TRPV5: variants seen among roughly 807,000 people sequenced by gnomAD.
The protein encoded by TRPV5 is transient receptor potential cation channel subfamily V member 5, also known as calcium transport protein 2.
Under a neutral mutation model 74.1 loss-of-function variants are expected in TRPV5, and 66 were observed. That is an observed-to-expected ratio of 0.89 (90% CI 0.73 to 1.09). The LOEUF (loss-of-function observed/expected upper bound fraction) is 1.09, where lower values mean the gene tolerates loss of function less well. Among genes scored for constraint, TRPV5 ranks in the 50% least tolerant of loss-of-function variants. The pLI is 0.00. For missense variants in TRPV5, 936 were observed against 930.4 expected, an observed-to-expected ratio of 1.01 and a Z score of -0.08; for synonymous variants, 399 against 360.7, an observed-to-expected ratio of 1.11 and a Z score of -1.20.
rs868717390 is a variant in TRPV5 at position 142,924,270 on chromosome 7, A to G, written c.1122+1259T>C. On this transcript the variant is annotated intron_variant, in intron 8 of 14. Coordinates refer to ENST00000265310, the MANE Select transcript of TRPV5 (RefSeq NM_019841.7). ...CATATACATGTATATATATACATATATATATATATACATATACATGTATAT... is the reference window on the plus strand; with the variant it reads ...CATATACATGTATATATATACATATGTATATATATACATATACATGTATAT... Among the ~76,000 whole-genome samples the G allele has an allele frequency of 1.3e-4, 14 of 107,832 alleles. 1 individual carries two copies. Among genetic ancestry groups the G allele is most frequent in the East Asian group, 2.3e-4 (1 of 4,386 alleles). The allele number at this position is 107,832 out of a possible 152,430, so 70.7% of individuals were successfully genotyped here.
intron 9 of TRPV5, 33 bp downstream of exon 9, chr7:142,915,449 A>G (rs1795779453): frequency 1.9e-6 from 3 of 1,611,978 alleles, no homozygotes; most frequent in Non-Finnish European, 2.5e-6. Flanking sequence ...CTTAGATGGG[A>G]TGGGATTAGC....
Position 142,924,304 on chromosome 7 carries a change from ATATATATACACACATATACATG to A in TRPV5, c.1122+1203_1122+1224del, listed in dbSNP as rs1795939172. Among the ~76,000 whole-genome samples, 17 of 32,722 alleles carry A rather than the reference ATATATATACACACATATACATG, an allele frequency of 5.2e-4. 2 individuals are homozygous for A. Among genetic ancestry groups the A allele is most frequent in the African/African-American group, 1.2e-3 (17 of 13,946 alleles). 21.5% of individuals were successfully genotyped at this position (32,722 alleles called of 152,430 possible). On this transcript the variant is annotated intron_variant, in intron 8 of 14. Coordinates refer to ENST00000265310, the MANE Select transcript of TRPV5 (RefSeq NM_019841.7). Reference sequence around the variant, plus strand: ...TACATATACATGTATATATATACATATATATATACACACATATACATGTATATATATACATATATATATATAT... The same window carrying A: ...TACATATACATGTATATATATACATATATATATATACATATATATATATAT...
intron 11 of TRPV5, 38 bp from the exon 12 acceptor site, chr7:142,914,744 C>T (rs768816637): frequency 6.2e-7 from 1 of 1,611,458 alleles, no homozygotes. Context: ...GGGATGATTC[C>T]TTTTCCACTG....
At chr7:142,917,058 TTG>T (rs1563371862) in intron 8 of TRPV5, among the ~76,000 whole-genome samples, 1 of 152,014 alleles carries the variant, frequency 6.6e-6, no homozygotes, top group Non-Finnish European at 1.5e-5. Context: ...TTCTATTTTT[TTG>T]TGTGTCTGGT....
chr7:142,920,066 T>C (rs770073209), intron 8 of TRPV5, among the ~76,000 whole-genome samples: 1 of 152,298 alleles, frequency 6.6e-6, no homozygotes, highest in African/African-American at 2.4e-5. Context: ...ACAACACACA[T>C]GTCCAGGCCA....
In TRPV5 at chr7:142,933,641, T is replaced by A; in HGVS notation, c.-182A>T. 1 of 758,722 alleles carries A rather than the reference T, an allele frequency of 1.3e-6. No individual in the cohort carries two copies. 47.0% of individuals were successfully genotyped at this position (758,722 alleles called of 1,614,324 possible). On this transcript the variant is annotated 5_prime_UTR_variant, in exon 1 of 15. Coordinates refer to ENST00000265310, the MANE Select transcript of TRPV5 (RefSeq NM_019841.7). ...TGTGTGTGTGCATGCAGTATGTGGGTTGTGGGGTGTGCGTGTATGCACAGT... is the reference window on the plus strand; with the variant it reads ...TGTGTGTGTGCATGCAGTATGTGGGATGTGGGGTGTGCGTGTATGCACAGT...
At chr7:142,932,878 A>AC (rs1027210890) in intron 1 of TRPV5, among the ~76,000 whole-genome samples, 2 of 152,166 alleles carry the variant, frequency 1.3e-5, no homozygotes, top group African/African-American at 4.8e-5. Flanking sequence ...ACTGGTCAGC[A>AC]CCCAGTGTTA....
chr7:142,930,012 C>T, intron 3 of TRPV5, 46 bp downstream of exon 3: 2 of 1,613,472 alleles, frequency 1.2e-6, no homozygotes, highest in Non-Finnish European at 1.7e-6. Flanking sequence ...ACAGCACACC[C>T]TCCATCTCAA....
chr7:142,916,092 C>T (rs1437604307), intron 8 of TRPV5, among the ~76,000 whole-genome samples: 3 of 152,222 alleles, frequency 2.0e-5, no homozygotes, highest in African/African-American at 4.8e-5. Context: ...TGAGTTTTCT[C>T]ATCTGTAAAA....
Position 142,915,523 on chromosome 7 carries a change from G to C in TRPV5, c.1168C>G (p.Leu390Val). 6.2e-7 allele frequency: 1 copy of C among 1,614,138 alleles called. No homozygotes were observed. The highest frequency in any genetic ancestry group is 8.5e-7 in the Non-Finnish European group (1 of 1,180,016). The part of the protein sequence containing the change: ...REDIIRLVGE[L>V]VSIVGAVIIL... ...ATCACAGCCCCAACGATGCTCACCA[G>C]CTCCCCCACCAGCCTGATGATATCT... Residue 390 changes from leucine (L) to valine (V), a missense_variant, in exon 9 of 15, where the codon CTG becomes GTG. Leu to Val is a conservative substitution (Grantham distance 32). Coordinates refer to ENST00000265310, the MANE Select transcript of TRPV5 (RefSeq NM_019841.7).
At chr7:142,932,873 T>G (rs1796118844) in intron 1 of TRPV5, among the ~76,000 whole-genome samples, 2 of 152,190 alleles carry the variant, frequency 1.3e-5, no homozygotes, top group African/African-American at 4.8e-5. Context: ...CCTCCACTGG[T>G]CAGCACCCAG....
Position 142,933,516 on chromosome 7 carries a change from A to T in TRPV5, c.-57T>A. 1 of 1,579,458 alleles carries T rather than the reference A, an allele frequency of 6.3e-7. No individual in the cohort carries two copies. Among genetic ancestry groups the T allele is most frequent in the Non-Finnish European group, 8.6e-7 (1 of 1,164,274 alleles). ...GAAATGTGGCGAAAGAAACAGGTCT[A>T]GGATGACAGCAACTGAGCAAGAGAT... is the stretch of plus-strand genomic sequence containing the variant. On this transcript the variant is annotated 5_prime_UTR_variant, in exon 1 of 15. Coordinates refer to ENST00000265310, the MANE Select transcript of TRPV5 (RefSeq NM_019841.7).
At chr7:142,912,446 C>CCTGCTTCTTA in intron 13 of TRPV5, 36 bp downstream of exon 13, 2 of 1,589,944 alleles carry the variant, frequency 1.3e-6, no homozygotes, top group Non-Finnish European at 1.7e-6. Flanking sequence ...CTCTCCAACC[C>CCTGCTTCTTA]CTGCTTCTTA....
chr7:142,915,845 A>G (rs1795787361), intron 8 of TRPV5, among the ~76,000 whole-genome samples: 2 of 152,210 alleles, frequency 1.3e-5, no homozygotes, highest in African/African-American at 4.8e-5. Flanking sequence ...GAAATTTATG[A>G]TGTATATACT....
rs1796033458 is a variant in TRPV5, at chr7:142,928,789, A to G, written c.664T>C (p.Tyr222His). The change falls in exon 6 of 15, where the codon TAT (tyrosine) becomes CAT (histidine). Residue 222 changes from tyrosine to histidine, a missense_variant. By Grantham distance (83) the Tyr-to-His change is moderately conservative. Transcript: ENST00000265310. ...ACQMYNLLLSYDGHGDHLQPL... is the reference protein window; with the variant it reads ...ACQMYNLLLSHDGHGDHLQPL... ...TGCAGGTGGTCCCCATGTCCATCAT[A>G]GGACAGCAGCAGGTTGTACATCTGG... The G allele has an allele frequency of 1.2e-6, 2 of 1,614,032 alleles. No individual in the cohort carries two copies. The highest frequency in any genetic ancestry group is 1.7e-6 in the Non-Finnish European group (2 of 1,179,994).
At chr7:142,910,139 C>G (rs1795680211) in intron 13 of TRPV5, among the ~76,000 whole-genome samples, 1 of 152,120 alleles carries the variant, frequency 6.6e-6, no homozygotes, top group African/African-American at 2.4e-5. Flanking sequence ...ACATGGGAAA[C>G]AAGCTTATCA....
In TRPV5 at chr7:142,930,362, G is replaced by A. The variant is rs200063056; in HGVS notation, c.213C>T (p.Asp71=). 21 of 1,613,948 alleles carry A rather than the reference G, an allele frequency of 1.3e-5. No homozygotes were observed. Among genetic ancestry groups the A allele is most frequent in the African/African-American group, 2.7e-5 (2 of 74,904 alleles). Residue 71 remains aspartate (D), a synonymous_variant, in exon 2 of 15, where the codon GAC becomes GAT. Coordinates refer to ENST00000265310, the MANE Select transcript of TRPV5 (RefSeq NM_019841.7). ...LRQLLLDCTC[D]VRQRGALGET... ...TCCAGATCCCACCTCTTTGTCGAAC[G>A]TCACAGGTGCAGTCCAGTAGAAGTT...
chr7:142,930,515 C>A, intron 1 of TRPV5, 69 bp from the exon 2 acceptor site: 1 of 1,156,490 alleles, frequency 8.6e-7, no homozygotes, highest in Admixed American at 1.7e-5. Context: ...CAAAGGGGAT[C>A]TAAGACATTC....
intron 8 of TRPV5, 87 bp downstream of exon 8, chr7:142,925,442 G>A: frequency 7.1e-7 from 1 of 1,408,252 alleles, no homozygotes; most frequent in Non-Finnish European, 1.0e-6. Context: ...CCCAGAGCGT[G>A]GCATCGTCCC....
Sources: gnomAD v4.1 joint callset for allele counts (sites outside exome capture counted in the v4.1 genomes callset) on GRCh38, gnomAD v4.1.1 for gene constraint, MANE v1.5 for transcripts, NCBI Gene and HGNC (gene_info 2026-07-23, HGNC 2026-07-21) for gene names.